RANBP2: variants seen among roughly 807,000 people sequenced by gnomAD.
The protein encoded by RANBP2 is RAN binding protein 2.
In RANBP2, 57 loss-of-function variants were observed where a neutral mutation model predicts 303.6. The ratio of observed to expected loss-of-function variants is 0.19; its 90% CI spans 0.15 to 0.23. The LOEUF (loss-of-function observed/expected upper bound fraction) is 0.23, where lower values mean the gene tolerates loss of function less well. Among genes scored for constraint, RANBP2 ranks in the 10% least tolerant of loss-of-function variants. RANBP2 has a pLI of 1.00. For synonymous variants in RANBP2, 1,167 were observed against 1,301.5 expected, an observed-to-expected ratio of 0.90 and a Z score of 2.23; for missense variants, 3,138 against 3,780.8, an observed-to-expected ratio of 0.83 and a Z score of 4.46.
chr2:109,446,977 C>T, the RANBP2 span, among the ~76,000 whole-genome samples: 1 of 151,700 alleles, frequency 6.6e-6, no homozygotes, highest in Non-Finnish European at 1.5e-5. Context: ...AGGGGAGAGA[C>T]GAATAAATCT....
chr2:109,764,630 T>C, the RANBP2 span, among the ~76,000 whole-genome samples: 2 of 148,394 alleles, frequency 1.3e-5, no homozygotes, highest in Non-Finnish European at 3.0e-5. Context: ...AGAGACCATA[T>C]TTGGGACTTG....
At chr2:109,584,235 G>A in the RANBP2 span, among the ~76,000 whole-genome samples, 3 of 152,242 alleles carry the variant, frequency 2.0e-5, no homozygotes, top group East Asian at 3.9e-4. Context: ...CTAGCACTTC[G>A]GGAGGCCGAG....
the RANBP2 span, among the ~76,000 whole-genome samples, chr2:109,555,102 C>T: frequency 6.6e-6 from 1 of 152,168 alleles, no homozygotes; most frequent in African/African-American, 2.4e-5. Flanking sequence ...GTTCCTCTTT[C>T]TTTCACTTTG....
At chr2:109,462,736 G>A in the RANBP2 span, among the ~76,000 whole-genome samples, 1 of 152,176 alleles carries the variant, frequency 6.6e-6, no homozygotes, top group East Asian at 1.9e-4. Flanking sequence ...GTACGTCTAG[G>A]CTAATGATGC....
chr2:109,730,187 A>G, the RANBP2 span, among the ~76,000 whole-genome samples: 1 of 152,188 alleles, frequency 6.6e-6, no homozygotes, highest in South Asian at 2.1e-4. Flanking sequence ...CCTGGCCAGG[A>G]ACATGTTATA....
At chr2:109,672,920 T>C in the RANBP2 span, among the ~76,000 whole-genome samples, 2 of 152,234 alleles carry the variant, frequency 1.3e-5, no homozygotes, top group African/African-American at 4.8e-5. Flanking sequence ...ATTTGAATAC[T>C]GCTAAACCTC....
At chr2:108,916,698 C>G in the RANBP2 span, among the ~76,000 whole-genome samples, 1 of 152,106 alleles carries the variant, frequency 6.6e-6, no homozygotes, top group Non-Finnish European at 1.5e-5. Flanking sequence ...AGCACGTGTG[C>G]GCAGCCGAGG....
the RANBP2 span, among the ~76,000 whole-genome samples, chr2:108,830,881 C>T: frequency 2.0e-5 from 3 of 148,940 alleles, no homozygotes; most frequent in African/African-American, 7.4e-5. Flanking sequence ...GACATTTTGG[C>T]CAGGACAACT....
At chr2:109,184,293 C>G in the RANBP2 span, among the ~76,000 whole-genome samples, 1 of 152,204 alleles carries the variant, frequency 6.6e-6, no homozygotes, top group African/African-American at 2.4e-5. Flanking sequence ...TTCTCCCTTA[C>G]TTCAAATGAC....
At chr2:109,105,481 C>T in the RANBP2 span, among the ~76,000 whole-genome samples, 13 of 152,316 alleles carry the variant, frequency 8.5e-5, no homozygotes, top group Non-Finnish European at 1.5e-4. Flanking sequence ...ACACTTGGAT[C>T]GCTTAGGTCA....
chr2:109,186,922 G>A, the RANBP2 span, among the ~76,000 whole-genome samples: 5 of 152,176 alleles, frequency 3.3e-5, no homozygotes, highest in Non-Finnish European at 4.4e-5. Context: ...GCAAAAAAGC[G>A]TGCTAGAACT....
chr2:109,488,914 A>G, the RANBP2 span, among the ~76,000 whole-genome samples: 6 of 152,228 alleles, frequency 3.9e-5, no homozygotes, highest in Non-Finnish European at 8.8e-5. Flanking sequence ...GGAGTCAGGT[A>G]TCTGGATCCC....
At chr2:108,759,095 A>G (rs1225018096) in intron 18 of RANBP2, among the ~76,000 whole-genome samples, 2 of 151,288 alleles carry the variant, frequency 1.3e-5, no homozygotes, top group East Asian at 1.9e-4. Context: ...CATAATTACT[A>G]TGAGCATTTG....
the RANBP2 span, among the ~76,000 whole-genome samples, chr2:108,991,708 A>G: frequency 5.9e-5 from 9 of 152,346 alleles, no homozygotes; most frequent in Non-Finnish European, 1.3e-4. Flanking sequence ...CCATCCCTGT[A>G]AAAAACACTC....
At chr2:108,857,056 G>T in the RANBP2 span, 6 of 181,346 alleles carry the variant, frequency 3.3e-5, no homozygotes, top group Non-Finnish European at 4.4e-5. Context: ...CCACATATCA[G>T]ATACTATTGC....
At chr2:109,185,639 C>A in the RANBP2 span, among the ~76,000 whole-genome samples, 12 of 152,116 alleles carry the variant, frequency 7.9e-5, no homozygotes, top group East Asian at 2.3e-3. Context: ...CTGGACAGGA[C>A]AGCCCTCAGA....
chr2:109,620,525 AACCCAGTCTC>A, the RANBP2 span, among the ~76,000 whole-genome samples: 1 of 152,192 alleles, frequency 6.6e-6, no homozygotes, highest in African/African-American at 2.4e-5. Context: ...AACATGGTGA[AACCCAGTCTC>A]TACAAAAAAT....
chr2:108,849,739 A>G, the RANBP2 span, among the ~76,000 whole-genome samples: 1 of 152,234 alleles, frequency 6.6e-6, no homozygotes, highest in Admixed American at 6.5e-5. Flanking sequence ...CCCTTTCCTT[A>G]TAGTCTGGCC....
the RANBP2 span, among the ~76,000 whole-genome samples, chr2:109,441,717 G>A: frequency 6.6e-6 from 1 of 152,054 alleles, no homozygotes; most frequent in Non-Finnish European, 1.5e-5. Flanking sequence ...CCAAGCACAA[G>A]AAACATGAAG....
Sources: gnomAD v4.1 joint callset for allele counts (sites outside exome capture counted in the v4.1 genomes callset) on GRCh38, gnomAD v4.1.1 for gene constraint, MANE v1.5 for transcripts, NCBI Gene and HGNC (gene_info 2026-07-23, HGNC 2026-07-21) for gene names.